Variants in LAMA1 observed in about 807,000 individuals in gnomAD.
LAMA1 encodes the protein laminin subunit alpha 1.
A neutral mutation model predicts 348.7 loss-of-function variants in LAMA1; 219 were observed. That is an observed-to-expected ratio of 0.63 (90% confidence interval 0.56 to 0.70). The LOEUF is 0.70. LAMA1 is among the 30% of genes least tolerant of loss of function. The probability of loss-of-function intolerance (pLI) is 0.00; values close to 1 mark genes in which losing one functional copy is unlikely to be tolerated. For missense variants in LAMA1, 3,744 were observed against 3,888.0 expected (o/e 0.96, Z 0.99); for synonymous variants, 1,487 against 1,491.0 (o/e 1.00, Z 0.06).
intron 30 of LAMA1, among the ~76,000 whole-genome samples, chr18:7,001,961 A>G (rs2057809560): frequency 6.6e-6 from 1 of 152,200 alleles, no homozygotes; most frequent in South Asian, 2.1e-4. Flanking sequence ...ATTAATAGCA[A>G]TTTATCTCCA....
rs1600392454 is a variant in LAMA1, at chr18:7,012,074, T to C, written c.3428A>G (p.Asn1143Ser). Reference protein sequence around the residue: ...REGTFALRADNPLGCSPCFCS... With the variant: ...REGTFALRADSPLGCSPCFCS... The stretch of plus-strand genomic sequence containing the variant: ...GAAGCACGGGCTGCAGCCCAGGGGG[T>C]TGTCTGCGCGGAGAGCGAAGGTGCC... Residue 1143 changes from asparagine to serine, a missense_variant, in exon 24 of 63, where the codon AAC (asparagine) becomes AGC (serine). Physicochemically the swap from Asn to Ser is conservative, Grantham distance 46. Coordinates refer to ENST00000389658, the MANE Select transcript of LAMA1 (RefSeq NM_005559.4). 6 of 1,612,980 alleles carry C rather than the reference T, an allele frequency of 3.7e-6. No homozygotes were observed. The highest frequency in any genetic ancestry group is 5.1e-6 in the Non-Finnish European group (6 of 1,179,518).
At position 7,038,846 on chromosome 18, in the gene LAMA1, A is replaced by G; in HGVS notation, c.1527T>C (p.Ser509=). The G allele has an allele frequency of 6.2e-7, 1 of 1,614,232 alleles. No homozygotes were observed. The highest frequency in any genetic ancestry group is 8.5e-7 in the Non-Finnish European group (1 of 1,180,044). The part of the protein sequence containing the change: ...GCSECFCFGV[S]DVCSSLSWPV... The stretch of plus-strand genomic sequence containing the variant: ...GCCAAGAGAGGCTGCTGCAGACATC[A>G]GAAACGCCAAAGCAGAAGCACTCGG... Residue 509 remains serine, a synonymous_variant, in exon 11 of 63, where the codon TCT becomes TCC. Transcript: ENST00000389658.
At chr18:7,014,636 T>C (rs2057877824) in intron 22 of LAMA1, among the ~76,000 whole-genome samples, 1 of 149,420 alleles carries the variant, frequency 6.7e-6, no homozygotes, top group Non-Finnish European at 1.5e-5. Flanking sequence ...TAAGATCCTG[T>C]CTCAATTAAA....
intron 12 of LAMA1, 37 bp downstream of exon 12, chr18:7,037,541 T>C (rs979748805): frequency 2.5e-6 from 4 of 1,612,130 alleles, no homozygotes; most frequent in Non-Finnish European, 2.5e-6. Context: ...CCTGAGATCT[T>C]CATCTGAGAC....
rs748008957 is a variant in LAMA1 at position 6,971,851 on chromosome 18, T to C, written c.6899+6A>G. On this transcript the variant is annotated splice_donor_region_variant and intron_variant, in intron 48 of 62. Coordinates refer to ENST00000389658, the MANE Select transcript of LAMA1 (RefSeq NM_005559.4). ...TACTATGTGCTAAACCGTGACGACA[T>C]CTTACCTTCCGAAGCACCCACGGCA... The C allele has an allele frequency of 1.2e-6, 2 of 1,614,094 alleles. No homozygotes were observed. Among genetic ancestry groups the C allele is most frequent in the Admixed American group, 1.7e-5 (1 of 60,022 alleles).
chr18:7,085,631 G>GATGGTCTCGA (rs1281033234), intron 1 of LAMA1, among the ~76,000 whole-genome samples: 1 of 151,868 alleles, frequency 6.6e-6, no homozygotes, highest in Non-Finnish European at 1.5e-5. Context: ...CGTTAGCCAG[G>GATGGTCTCGA]ATGGTCTCGA....
intron 57 of LAMA1, among the ~76,000 whole-genome samples, chr18:6,952,398 G>A (rs1362026029): frequency 6.6e-6 from 1 of 152,148 alleles, no homozygotes; most frequent in Non-Finnish European, 1.5e-5. Context: ...TGAGGAAAGG[G>A]CAGCTCTTTC....
At chr18:6,975,814 C>T (rs1568014413) in intron 45 of LAMA1, 123 bp downstream of exon 45, 1 of 1,125,136 alleles carries the variant, frequency 8.9e-7, no homozygotes, top group East Asian at 2.4e-5. Flanking sequence ...AAAGGTTAGT[C>T]CCTATGGGAG....
intron 1 of LAMA1, among the ~76,000 whole-genome samples, chr18:7,110,771 A>G (rs1376987664): frequency 6.6e-6 from 1 of 152,174 alleles, no homozygotes; most frequent in Non-Finnish European, 1.5e-5. Flanking sequence ...CAGTCAGCAG[A>G]CATTGAGCCA....
chr18:7,091,014 T>C (rs1300368159), intron 1 of LAMA1, among the ~76,000 whole-genome samples: 1 of 152,194 alleles, frequency 6.6e-6, no homozygotes, highest in East Asian at 1.9e-4. Flanking sequence ...CCACAAATAT[T>C]TTCTGCAGAA....
chr18:7,025,359 G>C (rs1250815554), intron 17 of LAMA1, among the ~76,000 whole-genome samples: 1 of 152,140 alleles, frequency 6.6e-6, no homozygotes, highest in Non-Finnish European at 1.5e-5. Flanking sequence ...CTGCAAATCT[G>C]AGAGAAGAGC....
intron 1 of LAMA1, among the ~76,000 whole-genome samples, chr18:7,105,510 T>C (rs1216237201): frequency 1.3e-5 from 2 of 151,236 alleles, no homozygotes; most frequent in Non-Finnish European, 3.0e-5. Flanking sequence ...ACAGGAGCAG[T>C]AGGTGAATAA....
chr18:7,061,554 T>C (rs1221013336), intron 3 of LAMA1, among the ~76,000 whole-genome samples: 1 of 152,226 alleles, frequency 6.6e-6, no homozygotes, highest in African/African-American at 2.4e-5. Context: ...TATCAAGTTT[T>C]CACCTAGGAC....
In LAMA1 at chr18:6,982,809, C is replaced by G. The variant is rs1447314329; in HGVS notation, c.5797-219G>C. 2.0e-5 allele frequency among the ~76,000 whole-genome samples: 3 copies of G among 152,308 alleles called. No individual in the cohort carries two copies. The East Asian group carries it at 5.8e-4, about 29-fold the overall frequency. On this transcript the variant is annotated intron_variant, in intron 40 of 62. Transcript: ENST00000389658. ...AAACCAGCCATTCAATAAAGATTTTCACCATGGTTATAGAAAAATGTCTCC... is the reference window on the plus strand; with the variant it reads ...AAACCAGCCATTCAATAAAGATTTTGACCATGGTTATAGAAAAATGTCTCC...
At chr18:7,006,461 G>T (rs540654288) in intron 29 of LAMA1, among the ~76,000 whole-genome samples, 7 of 152,068 alleles carry the variant, frequency 4.6e-5, no homozygotes, top group Non-Finnish European at 1.0e-4. Context: ...AAATTCCCAC[G>T]TGAGCCCCCA....
chr18:7,090,115 C>T (rs1316720552), intron 1 of LAMA1, among the ~76,000 whole-genome samples: 3 of 152,164 alleles, frequency 2.0e-5, no homozygotes, highest in African/African-American at 7.2e-5. Flanking sequence ...AACCTGCCAC[C>T]AAACATGTTC....
At chr18:6,971,443 A>G (rs613600) in intron 48 of LAMA1, among the ~76,000 whole-genome samples, 5,672 of 152,278 alleles carry the variant, frequency 0.037, 222 homozygotes, top group African/African-American at 0.097. Flanking sequence ...AGTGATTTAT[A>G]AAGATTTGGT....
intron 5 of LAMA1, among the ~76,000 whole-genome samples, chr18:7,047,244 C>G (rs527657635): frequency 1.1e-3 from 174 of 152,104 alleles, no homozygotes; most frequent in Non-Finnish European, 1.7e-3. Flanking sequence ...GGGGTTTCAC[C>G]GTGTTAGCCA....
intron 2 of LAMA1, 30 bp from the exon 3 acceptor site, chr18:7,080,117 C>A: frequency 1.3e-6 from 2 of 1,583,796 alleles, no homozygotes; most frequent in South Asian, 1.1e-5. Context: ...AACATGAATT[C>A]CTCTCGGCTG....
Sources: gnomAD v4.1 joint callset for allele counts (sites outside exome capture counted in the v4.1 genomes callset) on GRCh38, gnomAD v4.1.1 for gene constraint, MANE v1.5 for transcripts, NCBI Gene and HGNC (gene_info 2026-07-23, HGNC 2026-07-21) for gene names.